STK24: variants seen among roughly 807,000 people sequenced by gnomAD.
STK24 encodes serine/threonine kinase 24.
Under a neutral mutation model 55.6 loss-of-function variants are expected in STK24, and 21 were observed. The ratio of observed to expected loss-of-function variants is 0.38; its 90% CI spans 0.27 to 0.54. The LOEUF is 0.54. STK24 is among the 20% of genes least tolerant of loss of function. The probability of loss-of-function intolerance (pLI) is 0.79; values close to 1 mark genes in which losing one functional copy is unlikely to be tolerated. For missense variants in STK24, 383 were observed against 538.4 expected (o/e 0.71, Z 2.86); for synonymous variants, 200 against 215.2 (o/e 0.93, Z 0.62).
intron 6 of STK24, 138 bp downstream of exon 6, chr13:98,466,238 A>C (rs1232118444): frequency 2.6e-6 from 2 of 768,618 alleles, no homozygotes; most frequent in Non-Finnish European, 3.8e-6. Context: ...GAAGTCAATC[A>C]TACTTACTTA....
At chr13:98,543,775 G>A (rs540637799) in intron 1 of STK24, among the ~76,000 whole-genome samples, 5 of 152,298 alleles carry the variant, frequency 3.3e-5, no homozygotes, top group East Asian at 1.9e-4. Context: ...CTGCAGATGC[G>A]GTGCCGGTCA....
At chr13:98,464,025 G>A (rs1893829869) in intron 6 of STK24, among the ~76,000 whole-genome samples, 189 bp from the exon 7 acceptor site, 1 of 152,192 alleles carries the variant, frequency 6.6e-6, no homozygotes, top group Admixed American at 6.5e-5. Flanking sequence ...GGCTCTGGGT[G>A]CTATGGTGGG....
At chr13:98,495,818 T>G (rs1386653269) in intron 2 of STK24, among the ~76,000 whole-genome samples, 1 of 152,228 alleles carries the variant, frequency 6.6e-6, no homozygotes, top group African/African-American at 2.4e-5. Flanking sequence ...ATTTCCTTGC[T>G]GATTTGTTTC....
intron 2 of STK24, 101 bp from the exon 3 acceptor site, chr13:98,482,422 A>C (rs1298661744): frequency 6.2e-6 from 4 of 648,268 alleles, no homozygotes; most frequent in African/African-American, 1.9e-5. Flanking sequence ...TGGAACTAGA[A>C]AGTTTTACAA....
chr13:98,503,554 G>A (rs1895570129), intron 2 of STK24, among the ~76,000 whole-genome samples: 2 of 152,156 alleles, frequency 1.3e-5, no homozygotes, highest in African/African-American at 2.4e-5. Context: ...CAAGGACTGC[G>A]GACAGCTTCA....
chr13:98,573,806 G>C (rs939375373), intron 1 of STK24, among the ~76,000 whole-genome samples: 3 of 152,128 alleles, frequency 2.0e-5, no homozygotes, highest in Admixed American at 2.0e-4. Flanking sequence ...CATAATATAT[G>C]ATCTCACCTT....
At chr13:98,560,107 T>C (rs1207748056) in intron 1 of STK24, among the ~76,000 whole-genome samples, 2 of 152,222 alleles carry the variant, frequency 1.3e-5, no homozygotes, top group Admixed American at 1.3e-4. Flanking sequence ...AGATCTAAAC[T>C]GATCTGAAGC....
intron 10 of STK24, chr13:98,454,976 G>A (rs1171261861): frequency 1.3e-5 from 2 of 152,242 alleles, no homozygotes; most frequent in African/African-American, 4.8e-5. Context: ...GGTAGCTACA[G>A]ACCCGCCCGA....
chr13:98,504,600 CCTA>C (rs1341733561), intron 2 of STK24, among the ~76,000 whole-genome samples: 1 of 152,192 alleles, frequency 6.6e-6, no homozygotes, highest in Non-Finnish European at 1.5e-5. Context: ...GAGAATGAAG[CCTA>C]CTGTGTGGTG....
At chr13:98,473,492 A>G (rs530819704) in intron 5 of STK24, among the ~76,000 whole-genome samples, 171 of 152,096 alleles carry the variant, frequency 1.1e-3, no homozygotes, top group Admixed American at 1.6e-3. Context: ...CTAAACATGT[A>G]AGTTCCTGGT....
At chr13:98,532,894 G>A (rs780692182) in intron 1 of STK24, among the ~76,000 whole-genome samples, 7 of 152,134 alleles carry the variant, frequency 4.6e-5, no homozygotes, top group Non-Finnish European at 1.0e-4. Context: ...GTATTAATGC[G>A]TTACAAATGC....
At chr13:98,481,302 A>T (rs1283630913) in intron 3 of STK24, among the ~76,000 whole-genome samples, 2 of 152,242 alleles carry the variant, frequency 1.3e-5, no homozygotes, top group African/African-American at 4.8e-5. Flanking sequence ...TACACAAGCA[A>T]ATCACAGACC....
At chr13:98,458,200 C>T (rs1194678699) in intron 9 of STK24, among the ~76,000 whole-genome samples, 1 of 152,210 alleles carries the variant, frequency 6.6e-6, no homozygotes, top group Non-Finnish European at 1.5e-5. Context: ...ACACTTCCCT[C>T]AGTTGAAGGT....
intron 5 of STK24, among the ~76,000 whole-genome samples, chr13:98,474,567 C>T (rs559103340): frequency 1.3e-5 from 2 of 152,278 alleles, no homozygotes; most frequent in East Asian, 3.9e-4. Context: ...ATCCTGTGTC[C>T]CCGCTGCCAC....
intron 1 of STK24, among the ~76,000 whole-genome samples, chr13:98,566,317 G>A (rs1177124763): frequency 6.6e-6 from 1 of 152,210 alleles, no homozygotes; most frequent in Non-Finnish European, 1.5e-5. Flanking sequence ...TTTCATGGAG[G>A]CTGGAGGGAC....
intron 2 of STK24, among the ~76,000 whole-genome samples, chr13:98,509,853 T>G (rs972761732): frequency 6.6e-5 from 10 of 152,236 alleles, no homozygotes; most frequent in African/African-American, 2.2e-4. Context: ...TCTGTCGCTC[T>G]CTCTCTCTGC....
At chr13:98,549,116 AT>A (rs1199504030) in intron 1 of STK24, among the ~76,000 whole-genome samples, 3 of 152,104 alleles carry the variant, frequency 2.0e-5, no homozygotes, top group East Asian at 1.9e-4. Flanking sequence ...AGTGAAGAGA[AT>A]TTTTTTCTTC....
At chr13:98,466,315 T>C (rs1893924861) in intron 6 of STK24, 61 bp downstream of exon 6, 3 of 1,541,138 alleles carry the variant, frequency 1.9e-6, no homozygotes, top group Non-Finnish European at 2.6e-6. Flanking sequence ...CCCAACAGGA[T>C]GTATCTCAAC....
At chr13:98,567,810 G>C (rs1254599871) in intron 1 of STK24, among the ~76,000 whole-genome samples, 1 of 151,874 alleles carries the variant, frequency 6.6e-6, no homozygotes, top group Non-Finnish European at 1.5e-5. Context: ...ACAGACAGCA[G>C]CATCTAATTG....
Sources: gnomAD v4.1 joint callset for allele counts (sites outside exome capture counted in the v4.1 genomes callset) on GRCh38, gnomAD v4.1.1 for gene constraint, MANE v1.5 for transcripts, NCBI Gene and HGNC (gene_info 2026-07-23, HGNC 2026-07-21) for gene names.